The following LZTFL1 variants were observed in gnomAD, a reference collection of about 807,000 sequenced individuals.
LZTFL1 encodes the protein leucine zipper transcription factor like 1, also known as leucine zipper transcription factor-like protein 1.
A neutral mutation model predicts 45.9 loss-of-function variants in LZTFL1; 25 were observed. The ratio of observed to expected loss-of-function variants is 0.54; its 90% CI spans 0.40 to 0.76. The LOEUF (loss-of-function observed/expected upper bound fraction) is 0.76. Ranked by LOEUF, LZTFL1 falls within the 30% of genes least tolerant of loss-of-function variation. LZTFL1 has a pLI of 0.00. For missense variants in LZTFL1, 277 were observed against 331.1 expected (o/e 0.84, Z 1.27); for synonymous variants, 93 against 117.4 (o/e 0.79, Z 1.35).
At chr3:45,849,104 T>A (rs928897876) in intron 4 of LZTFL1, among the ~76,000 whole-genome samples, 10 of 152,210 alleles carry the variant, frequency 6.6e-5, no homozygotes, top group Non-Finnish European at 1.5e-5. Flanking sequence ...CTCTCAAGGA[T>A]GCTAACCATC....
chr3:45,850,685 C>A lies in LZTFL1; in HGVS notation c.-49+4301G>T, dbSNP rs1701293874. Among the ~76,000 whole-genome samples the A allele has an allele frequency of 1.3e-5, 2 of 152,136 alleles. 1 individual carries two copies. The highest frequency in any genetic ancestry group is 4.1e-4 in the South Asian group (2 of 4,830). On this transcript the variant is annotated intron_variant, in intron 4 of 4. Coordinates refer to the LZTFL1 transcript ENST00000472635. ...TGAGATCATCAGCTTTTTCCTCAAA[C>A]ACTCCTTACCAAAGAGGAAGCTTCC... is the stretch of plus-strand genomic sequence containing the variant.
chr3:45,827,972 G>A (rs1422817029), intron 8 of LZTFL1, among the ~76,000 whole-genome samples: 1 of 151,972 alleles, frequency 6.6e-6, no homozygotes, highest in African/African-American at 2.4e-5. Context: ...CAAAGTGCTG[G>A]GATTACAGGC....
intron 2 of LZTFL1, chr3:45,883,830 C>G (rs555447822): frequency 1.9e-6 from 1 of 528,770 alleles, no homozygotes; most frequent in South Asian, 2.7e-5. Flanking sequence ...GTTGCAGCCA[C>G]GGAGTAGGCC....
intron 7 of LZTFL1, 104 bp downstream of exon 7, chr3:45,830,809 G>T: frequency 2.1e-6 from 2 of 933,524 alleles, no homozygotes; most frequent in Admixed American, 4.1e-5. Context: ...GTCTCAGGGA[G>T]TAGCAGGGGT....
intron 4 of LZTFL1, among the ~76,000 whole-genome samples, chr3:45,850,372 C>G (rs931180877): frequency 2.3e-4 from 35 of 152,214 alleles, no homozygotes; most frequent in African/African-American, 7.5e-4. Flanking sequence ...CAGCCAGATA[C>G]ACAGTCTCCC....
At chr3:45,874,720 A>C (rs1323279360) in intron 2 of LZTFL1, among the ~76,000 whole-genome samples, 1 of 152,140 alleles carries the variant, frequency 6.6e-6, no homozygotes, top group Non-Finnish European at 1.5e-5. Context: ...GTCTCCCCAC[A>C]CCTTGAATCC....
intron 2 of LZTFL1, among the ~76,000 whole-genome samples, chr3:45,896,790 C>T (rs1575301099): frequency 6.6e-6 from 1 of 152,238 alleles, no homozygotes; most frequent in African/African-American, 2.4e-5. Context: ...TGTGCCCTCT[C>T]TTATTCCATC....
In LZTFL1 at chr3:45,838,014, A is replaced by C; in HGVS notation, c.41T>G (p.Val14Gly). ...LGLNEHHQNE[V>G]INYMRFARSK... Reference sequence around the variant, plus strand: ...ACGAGCAAAACGCATATAATTAATAACTTCATTTTGATGGTGCTCATTTAG... The same window carrying C: ...ACGAGCAAAACGCATATAATTAATACCTTCATTTTGATGGTGCTCATTTAG... The change falls in exon 2 of 10, where the codon GTT (valine) becomes GGT (glycine). Residue 14 changes from valine (V) to glycine (G), a missense_variant. Val to Gly is a moderately radical substitution (Grantham distance 109). Transcript: ENST00000296135. The C allele has an allele frequency of 6.2e-7, 1 of 1,611,830 alleles. No individual in the cohort carries two copies. The highest frequency in any genetic ancestry group is 1.7e-4 in the Middle Eastern group (1 of 6,052).
intron 2 of LZTFL1, among the ~76,000 whole-genome samples, chr3:45,865,522 CTT>C (rs1361922899): frequency 6.6e-6 from 1 of 152,224 alleles, no homozygotes; most frequent in Non-Finnish European, 1.5e-5. Flanking sequence ...ACACACCAAA[CTT>C]TTAATGATAA....
chr3:45,913,073 G>A, intron 2 of LZTFL1: 1 of 1,514,796 alleles, frequency 6.6e-7, no homozygotes, highest in South Asian at 1.2e-5. Context: ...AGCTGTCTCA[G>A]CATAACGCAG....
chr3:45,908,338 C>T (rs747343395), intron 2 of LZTFL1, among the ~76,000 whole-genome samples: 7 of 152,226 alleles, frequency 4.6e-5, no homozygotes, highest in Non-Finnish European at 8.8e-5. Context: ...CCCAGCATTT[C>T]AACTGTTGCT....
In LZTFL1 at chr3:45,901,673, T is replaced by C. The variant is rs202214909; in HGVS notation, c.-215+11447A>G. On this transcript the variant is annotated intron_variant, in intron 2 of 4. Coordinates refer to the LZTFL1 transcript ENST00000472635. The surrounding 1 kb of genome is among the most constrained non-coding windows in gnomAD (Gnocchi z 4.3). Reference sequence around the variant, plus strand: ...CCAACTGTGCCGTTTCCACCAACATTGACATCTGCTTCCAGGTCACCCAGA... The same window carrying C: ...CCAACTGTGCCGTTTCCACCAACATCGACATCTGCTTCCAGGTCACCCAGA... 6.2e-7 allele frequency: 1 copy of C among 1,613,990 alleles called. No individual in the cohort carries two copies. The highest frequency in any genetic ancestry group is 1.1e-5 in the South Asian group (1 of 91,076).
chr3:45,839,434 C>A (rs529251643), intron 1 of LZTFL1, among the ~76,000 whole-genome samples: 9 of 152,324 alleles, frequency 5.9e-5, no homozygotes, highest in African/African-American at 1.4e-4. Flanking sequence ...CATTTACACT[C>A]TTTGCTCTCC....
At chr3:45,885,205 G>A (rs1363980905) in intron 2 of LZTFL1, among the ~76,000 whole-genome samples, 1 of 152,040 alleles carries the variant, frequency 6.6e-6, no homozygotes, top group African/African-American at 2.4e-5. Context: ...TTGAGTCCTC[G>A]GGACAATCAA....
intron 2 of LZTFL1, chr3:45,883,639 G>A (rs905745199): frequency 2.2e-5 from 10 of 451,346 alleles, no homozygotes; most frequent in African/African-American, 4.1e-5. Context: ...AAAGGTCAGC[G>A]CTTCTACAAT....
rs955076981 is a variant in LZTFL1, at chr3:45,841,924, G to A, written c.3+65C>T. ...TAATCATTCCGGGCCCACCCGCTCAGTGTCTCCAGCCCCGGCCGCGCTCTC... is the reference window on the plus strand; with the variant it reads ...TAATCATTCCGGGCCCACCCGCTCAATGTCTCCAGCCCCGGCCGCGCTCTC... On this transcript the variant is annotated intron_variant, in intron 1 of 9. Transcript: ENST00000296135. 14 of 1,585,676 alleles carry A rather than the reference G, an allele frequency of 8.8e-6. No homozygotes were observed. The South Asian group carries it at 1.6e-4, about 18-fold the overall frequency.
chr3:45,868,137 C>T (rs1011530339), intron 2 of LZTFL1, among the ~76,000 whole-genome samples: 3 of 147,668 alleles, frequency 2.0e-5, no homozygotes, highest in Non-Finnish European at 4.5e-5. Flanking sequence ...CAAACCTGCA[C>T]GTTGTGCACA....
intron 2 of LZTFL1, among the ~76,000 whole-genome samples, chr3:45,888,814 A>G: frequency 6.6e-6 from 1 of 151,066 alleles, no homozygotes; most frequent in South Asian, 2.1e-4. Flanking sequence ...AGAGAAATAG[A>G]TGGCAAGGCT....
chr3:45,895,330 T>C (rs1702318159), intron 2 of LZTFL1, among the ~76,000 whole-genome samples: 1 of 152,250 alleles, frequency 6.6e-6, no homozygotes, highest in African/African-American at 2.4e-5. Flanking sequence ...GGCACATTAG[T>C]TGTATTTCTT....
Sources: gnomAD v4.1 joint callset for allele counts (sites outside exome capture counted in the v4.1 genomes callset) on GRCh38, gnomAD v4.1.1 for gene constraint, Gnocchi (gnomAD v3.1) non-coding constraint, MANE v1.5 for transcripts, NCBI Gene and HGNC (gene_info 2026-07-23, HGNC 2026-07-21) for gene names.